SETDB1: variants seen among roughly 807,000 people sequenced by gnomAD.
SETDB1 encodes the protein histone-lysine N-methyltransferase SETDB1.
A neutral mutation model predicts 137.4 loss-of-function variants in SETDB1; 31 were observed. The ratio of observed to expected loss-of-function variants is 0.23; its 90% CI spans 0.17 to 0.30. The LOEUF is 0.30. Ranked by LOEUF, SETDB1 falls within the 10% of genes least tolerant of loss-of-function variation. The pLI is 1.00. For synonymous variants in SETDB1, 548 were observed against 579.9 expected (o/e 0.95, Z 0.79); for missense variants, 1,113 against 1,631.5 (o/e 0.68, Z 5.47).
chr1:150,927,604 G>A, intron 1 of SETDB1, 100 bp from the exon 2 acceptor site: 2 of 1,008,392 alleles, frequency 2.0e-6, no homozygotes, highest in South Asian at 1.6e-5. Flanking sequence ...AGAATAACAG[G>A]CAGCAGAGTA....
chr1:150,950,983 A>T lies in SETDB1; in HGVS notation c.2109A>T (p.Pro703=). 6.2e-7 allele frequency: 1 copy of T among 1,613,400 alleles called. No individual in the cohort carries two copies. Among genetic ancestry groups the T allele is most frequent in the Non-Finnish European group, 8.5e-7 (1 of 1,179,830 alleles). Residue 703 remains proline, a synonymous_variant, in exon 13 of 22, where the codon CCA becomes CCT. Coordinates refer to ENST00000692827, the MANE Select transcript of SETDB1 (RefSeq NM_001366418.1). ...SCVNEIDTTP[P]PQVAYSKERI... ...TCAATGAGATTGACACAACCCCTCC[A>T]CCCCAGGTGGCCTACAGCAAGGAAC...
chr1:150,964,125 C>T (rs763350267), intron 21 of SETDB1, 42 bp downstream of exon 21: 13 of 1,572,902 alleles, frequency 8.3e-6, no homozygotes, highest in South Asian at 6.6e-5. Flanking sequence ...GGGGCAAGGA[C>T]CACTGAAGTT....
intron 10 of SETDB1, among the ~76,000 whole-genome samples, chr1:150,948,833 C>G (rs587725912): frequency 1.3e-5 from 2 of 151,988 alleles, no homozygotes; most frequent in South Asian, 4.2e-4. Flanking sequence ...AGTGATTGTC[C>G]TGCGCCTTCC....
In SETDB1 at chr1:150,950,582, G is replaced by T. The variant is rs1196294465; in HGVS notation, c.1708G>T (p.Glu570Ter). Residue 570 changes from glutamate (E) to a stop codon, truncating the protein, a stop_gained, in exon 13 of 22, where the codon GAG becomes TAG. Transcript: ENST00000692827. LOFTEE classifies it high-confidence loss of function. ...PAEPSYRAPMEKLFYLPHVCS... is the reference protein window; with the variant it reads ...PAEPSYRAPM ...AGAGCCCTCCTACCGTGCTCCCATG[G>T]AGAAGCTTTTCTACTTACCTCATGT... 1 of 1,614,150 alleles carries T rather than the reference G, an allele frequency of 6.2e-7. No homozygotes were observed.
intron 2 of SETDB1, 53 bp downstream of exon 2, chr1:150,928,027 A>G: frequency 6.4e-7 from 1 of 1,573,032 alleles, no homozygotes. Flanking sequence ...AGATGTTTTT[A>G]GAGAATAATT....
At chr1:150,942,315 T>TG (rs1300141268) in intron 5 of SETDB1, among the ~76,000 whole-genome samples, 1 of 150,818 alleles carries the variant, frequency 6.6e-6, no homozygotes, top group Non-Finnish European at 1.5e-5. Flanking sequence ...GGTGCCACCT[T>TG]GCGTGCCTGT....
intron 9 of SETDB1, 54 bp from the exon 10 acceptor site, chr1:150,946,832 A>T: frequency 6.2e-7 from 1 of 1,606,472 alleles, no homozygotes; most frequent in South Asian, 1.1e-5. Flanking sequence ...ACAGGACAGG[A>T]TAGATTCTAG....
At chr1:150,926,609 G>A in intron 1 of SETDB1, 92 bp downstream of exon 1, 1 of 421,512 alleles carries the variant, frequency 2.4e-6, no homozygotes, top group South Asian at 1.7e-5. Context: ...TGGGAAGGAA[G>A]TCTTCCCCAG....
At position 150,930,048 on chromosome 1, in the gene SETDB1, C is replaced by T. The variant is rs377686387; in HGVS notation, c.342C>T (p.Asp114=). 90 of 1,613,628 alleles carry T rather than the reference C, an allele frequency of 5.6e-5. 1 individual carries two copies. Among genetic ancestry groups the T allele is most frequent in the East Asian group, 3.3e-4 (15 of 44,886 alleles). ...AATACCGGGACAGTAGCTCTGAGGA[C>T]GAATCTTCCCGGCCTACAGAAATAA... is the stretch of plus-strand genomic sequence containing the variant. ...GLQYRDSSSE[D]ESSRPTEIIE... Residue 114 remains aspartate, a synonymous_variant, in exon 3 of 22, where the codon GAC becomes GAT. Coordinates refer to ENST00000692827, the MANE Select transcript of SETDB1 (RefSeq NM_001366418.1).
intron 3 of SETDB1, chr1:150,930,394 G>T: frequency 3.0e-6 from 1 of 328,110 alleles, no homozygotes; most frequent in Non-Finnish European, 5.7e-6. Context: ...AGGACTTATA[G>T]TGAGTGTATG....
intron 9 of SETDB1, 33 bp from the exon 10 acceptor site, chr1:150,946,853 A>AT: frequency 1.2e-6 from 2 of 1,613,116 alleles, no homozygotes. Flanking sequence ...CCTTTAAGCT[A>AT]TTTCCCTTCA....
At chr1:150,963,928 T>C in intron 20 of SETDB1, 67 bp from the exon 21 acceptor site, 1 of 1,475,124 alleles carries the variant, frequency 6.8e-7, no homozygotes, top group South Asian at 1.1e-5. Flanking sequence ...CTTCCAACTC[T>C]CACTCTCCCT....
chr1:150,951,411 A>T lies in SETDB1; in HGVS notation c.2263A>T (p.Thr755Ser). Residue 755 changes from threonine (T) to serine (S), a missense_variant, in exon 14 of 22, where the codon ACC (threonine) becomes TCC (serine). Physicochemically the swap from Thr to Ser is moderately conservative, Grantham distance 58. Around this residue, in one of 11 missense-constraint regions of SETDB1, gnomAD observed 81 missense variants for 123.4 expected, o/e 0.66. Coordinates refer to ENST00000692827, the MANE Select transcript of SETDB1 (RefSeq NM_001366418.1). ...ACTAACTATCCAGGCTACAGCCTGT[A>T]CCCCAGGAGGCCAAATCAACCCTAA... is the stretch of plus-strand genomic sequence containing the variant. ...HQLTIQATAC[T>S]PGGQINPNSG... The T allele has an allele frequency of 6.2e-7, 1 of 1,613,996 alleles. No individual in the cohort carries two copies. Among genetic ancestry groups the T allele is most frequent in the Non-Finnish European group, 8.5e-7 (1 of 1,179,868 alleles).
Position 150,951,485 on chromosome 1 carries a change from AGTG to A in SETDB1, c.2333+7_2333+9del. ...TAGAAGAGTGTCTACCCACAGGGTA[AGTG>A]GTCAAGGAATGGCACAGTACCTCAG... On this transcript the variant is annotated splice_donor_5th_base_variant and intron_variant, in intron 14 of 21. Coordinates refer to ENST00000692827, the MANE Select transcript of SETDB1 (RefSeq NM_001366418.1). 6.7e-7 allele frequency: 1 copy of A among 1,496,870 alleles called. No homozygotes were observed. Among genetic ancestry groups the A allele is most frequent in the Non-Finnish European group, 9.3e-7 (1 of 1,073,040 alleles). The allele number at this position is 1,496,870 out of a possible 1,614,324, so 92.7% of individuals were successfully genotyped here. A position where few individuals can be genotyped will look rare whatever the true frequency, so the allele number is the denominator to read the frequency against.
intron 9 of SETDB1, 49 bp from the exon 10 acceptor site, chr1:150,946,836 AT>A (rs1358223188): frequency 1.2e-6 from 2 of 1,609,960 alleles, no homozygotes; most frequent in Non-Finnish European, 1.7e-6. Flanking sequence ...GACAGGATAG[AT>A]TCTAGCCTTT....
intron 16 of SETDB1, 126 bp downstream of exon 16, chr1:150,961,317 ATCTC>A: frequency 1.0e-6 from 1 of 991,116 alleles, no homozygotes; most frequent in South Asian, 1.5e-5. Context: ...CCACCTCGTT[ATCTC>A]TCCCCCTAAC....
At chr1:150,931,447 TGGC>T (rs1669743768) in intron 3 of SETDB1, among the ~76,000 whole-genome samples, 1 of 150,602 alleles carries the variant, frequency 6.6e-6, no homozygotes, top group Non-Finnish European at 1.5e-5. Context: ...TAGCTGGGCG[TGGC>T]GGCGGACGCC....
chr1:150,949,097 G>A, intron 10 of SETDB1, 25 bp from the exon 11 acceptor site: 1 of 1,604,386 alleles, frequency 6.2e-7, no homozygotes, highest in South Asian at 1.1e-5. Flanking sequence ...CATCTTCTCA[G>A]TGCTCAATTT....
At chr1:150,961,893 A>G in intron 16 of SETDB1, 1 of 616,016 alleles carries the variant, frequency 1.6e-6, no homozygotes, top group Non-Finnish European at 2.9e-6. Context: ...GGTTGATGTA[A>G]TCCTGCTCGT....
Sources: gnomAD v4.1 joint callset for allele counts (sites outside exome capture counted in the v4.1 genomes callset) on GRCh38, gnomAD v4.1.1 for gene constraint, gnomAD v4.1.1 regional missense constraint, MANE v1.5 for transcripts, NCBI Gene and HGNC (gene_info 2026-07-23, HGNC 2026-07-21) for gene names.